Variants in SLC44A5 observed in about 807,000 individuals in gnomAD.
SLC44A5 encodes solute carrier family 44 member 5.
SLC44A5 carries 57 observed loss-of-function variants against 101.8 expected under a neutral mutation model. The observed-to-expected ratio is 0.56, with a 90% CI of 0.45 to 0.70. The LOEUF is 0.70. Ranked by LOEUF, SLC44A5 falls within the 30% of genes least tolerant of loss-of-function variation. SLC44A5 has a pLI of 0.00. For missense variants in SLC44A5, 737 were observed against 853.1 expected, an observed-to-expected ratio of 0.86 and a Z score of 1.70; for synonymous variants, 281 against 290.9, an observed-to-expected ratio of 0.97 and a Z score of 0.35.
chr1:75,685,470 A>G, the SLC44A5 span, among the ~76,000 whole-genome samples: 1 of 152,148 alleles, frequency 6.6e-6, no homozygotes, highest in Non-Finnish European at 1.5e-5. Context: ...ATTCCAAACC[A>G]TATCTTTGTG....
intron 2 of SLC44A5, among the ~76,000 whole-genome samples, chr1:75,444,215 G>A (rs1246623124): frequency 6.6e-6 from 1 of 151,712 alleles, no homozygotes; most frequent in Non-Finnish European, 1.5e-5. Context: ...TGCTTGAGAG[G>A]CTGAGGCAGG....
intron 12 of SLC44A5, among the ~76,000 whole-genome samples, chr1:75,232,698 G>C (rs1647693039): frequency 6.6e-6 from 1 of 152,118 alleles, no homozygotes; most frequent in African/African-American, 2.4e-5. Context: ...TCCAGGTACT[G>C]CTCTAAGAGC....
chr1:75,660,553 A>G, the SLC44A5 span, among the ~76,000 whole-genome samples: 5 of 152,318 alleles, frequency 3.3e-5, no homozygotes, highest in East Asian at 9.6e-4. Context: ...TGCAGATGAC[A>G]TAATTTTTAT....
chr1:75,633,859 G>C, the SLC44A5 span, among the ~76,000 whole-genome samples: 6,659 of 152,204 alleles, frequency 0.044, 203 homozygotes, highest in African/African-American at 0.091. Flanking sequence ...CTGTGGGTTT[G>C]TCACAGATAG....
intron 1 of SLC44A5, among the ~76,000 whole-genome samples, chr1:75,589,639 A>C (rs929806109): frequency 9.9e-5 from 15 of 152,198 alleles, no homozygotes; most frequent in Non-Finnish European, 4.4e-5. Flanking sequence ...TTTTACCTTC[A>C]TATCACAGAA....
the SLC44A5 span, among the ~76,000 whole-genome samples, chr1:75,722,076 G>A: frequency 6.6e-6 from 1 of 152,152 alleles, no homozygotes; most frequent in Non-Finnish European, 1.5e-5. Context: ...CTGAACTGAA[G>A]TGTCTTATCT....
At chr1:75,693,572 G>T in the SLC44A5 span, among the ~76,000 whole-genome samples, 1 of 152,142 alleles carries the variant, frequency 6.6e-6, no homozygotes, top group African/African-American at 2.4e-5. Context: ...CTAGATTCAA[G>T]TTACTGAAGC....
intron 3 of SLC44A5, among the ~76,000 whole-genome samples, chr1:75,376,362 G>A (rs1660608846): frequency 6.6e-6 from 1 of 152,186 alleles, no homozygotes; most frequent in African/African-American, 2.4e-5. Context: ...GCCTGCCTCT[G>A]TAGGCTCCAC....
chr1:75,229,454 C>A (rs1647359902), intron 12 of SLC44A5, among the ~76,000 whole-genome samples: 1 of 152,176 alleles, frequency 6.6e-6, no homozygotes, highest in South Asian at 2.1e-4. Flanking sequence ...AAGCTCTCAG[C>A]CACTTCTTCA....
the SLC44A5 span, among the ~76,000 whole-genome samples, chr1:75,680,523 A>G: frequency 6.7e-6 from 1 of 150,266 alleles, no homozygotes; most frequent in East Asian, 1.9e-4. Context: ...TGGGTACATA[A>G]TGAAATGAAG....
chr1:75,355,868 T>TA (rs991816571), intron 3 of SLC44A5, among the ~76,000 whole-genome samples: 4 of 152,052 alleles, frequency 2.6e-5, no homozygotes, highest in African/African-American at 4.8e-5. Flanking sequence ...ATTTATTTTT[T>TA]AAAAAAACCC....
intron 5 of SLC44A5, among the ~76,000 whole-genome samples, chr1:75,279,706 T>G (rs987951543): frequency 6.6e-6 from 1 of 152,036 alleles, no homozygotes; most frequent in Non-Finnish European, 1.5e-5. Flanking sequence ...CCCCAAACAG[T>G]TTCCTTTTTT....
the SLC44A5 span, among the ~76,000 whole-genome samples, chr1:75,666,013 C>T: frequency 1.3e-5 from 2 of 152,134 alleles, no homozygotes; most frequent in Admixed American, 1.3e-4. Context: ...TGCTTATATA[C>T]TGTTGATAGG....
the SLC44A5 span, among the ~76,000 whole-genome samples, chr1:75,706,086 T>C: frequency 6.6e-6 from 1 of 152,222 alleles, no homozygotes; most frequent in Non-Finnish European, 1.5e-5. Flanking sequence ...GGTTGGTTCA[T>C]TGCTTTTTAA....
intron 3 of SLC44A5, among the ~76,000 whole-genome samples, chr1:75,365,594 T>C (rs1427975518): frequency 6.6e-6 from 1 of 152,198 alleles, no homozygotes; most frequent in Non-Finnish European, 1.5e-5. Flanking sequence ...ATATTTATGT[T>C]CATCGCAGCA....
At chr1:75,371,380 A>G (rs1660211128) in intron 3 of SLC44A5, among the ~76,000 whole-genome samples, 1 of 152,224 alleles carries the variant, frequency 6.6e-6, no homozygotes, top group Admixed American at 6.5e-5. Flanking sequence ...GGTTTTAGAT[A>G]CATTGAGTTA....
the SLC44A5 span, among the ~76,000 whole-genome samples, chr1:75,703,330 A>G: frequency 6.6e-6 from 1 of 152,202 alleles, no homozygotes; most frequent in African/African-American, 2.4e-5. Flanking sequence ...CTATGCAGAC[A>G]TAAAAAAGGA....
chr1:75,583,509 T>G (rs1471979115), intron 1 of SLC44A5, among the ~76,000 whole-genome samples: 1 of 152,188 alleles, frequency 6.6e-6, no homozygotes, highest in African/African-American at 2.4e-5. Flanking sequence ...ACAATGAACG[T>G]GCAGCTTGAC....
intron 4 of SLC44A5, among the ~76,000 whole-genome samples, chr1:75,333,226 A>C (rs80157779): frequency 0.013 from 1,950 of 152,306 alleles, 54 homozygotes; most frequent in African/African-American, 0.044. Flanking sequence ...AATGAAGAGA[A>C]ATAAAAGTAA....
Sources: gnomAD v4.1 joint callset for allele counts (sites outside exome capture counted in the v4.1 genomes callset) on GRCh38, gnomAD v4.1.1 for gene constraint, MANE v1.5 for transcripts, NCBI Gene and HGNC (gene_info 2026-07-23, HGNC 2026-07-21) for gene names.